Variants in GAB4 observed in about 807,000 individuals in gnomAD.
GAB4 encodes GRB2-associated-binding protein 4.
In GAB4, 26 loss-of-function variants were observed where a neutral mutation model predicts 51.3. The observed-to-expected ratio is 0.51, with a 90% CI of 0.37 to 0.70. The LOEUF is 0.70. Ranked by LOEUF, GAB4 falls within the 30% of genes least tolerant of loss-of-function variation. GAB4 has a pLI of 0.00. For missense variants in GAB4, 759 were observed against 734.6 expected (o/e 1.03, Z -0.38); for synonymous variants, 329 against 291.2 (o/e 1.13, Z -1.32).
intron 2 of GAB4, among the ~76,000 whole-genome samples, chr22:16,990,767 T>C (rs1056527065): frequency 6.6e-6 from 1 of 152,180 alleles, no homozygotes; most frequent in Non-Finnish European, 1.5e-5. Flanking sequence ...GAAACATCCT[T>C]TCAAAGCAGT....
intron 2 of GAB4, among the ~76,000 whole-genome samples, chr22:16,989,425 G>A (rs543544787): frequency 5.3e-5 from 8 of 152,336 alleles, no homozygotes; most frequent in African/African-American, 1.7e-4. Context: ...ATGCCCCTGA[G>A]TGTCTGCTCC....
intron 1 of GAB4, 99 bp downstream of exon 1, chr22:17,007,842 C>T: frequency 8.7e-7 from 1 of 1,149,340 alleles, no homozygotes; most frequent in Non-Finnish European, 1.2e-6. Flanking sequence ...CCTCCACCCG[C>T]AGCTCCTCCC....
intron 3 of GAB4, among the ~76,000 whole-genome samples, chr22:16,975,047 C>T (rs2060765680): frequency 6.6e-6 from 1 of 152,170 alleles, no homozygotes; most frequent in African/African-American, 2.4e-5. Context: ...CCTACACCAC[C>T]AGGGCCCTGG....
chr22:16,985,895 A>G (rs946258817), intron 3 of GAB4, among the ~76,000 whole-genome samples: 3 of 152,204 alleles, frequency 2.0e-5, no homozygotes, highest in African/African-American at 7.2e-5. Context: ...AGAAATCCAT[A>G]ACACGACCTC....
intron 1 of GAB4, among the ~76,000 whole-genome samples, chr22:16,998,558 G>C (rs556435138): frequency 3.9e-5 from 6 of 152,112 alleles, no homozygotes; most frequent in Non-Finnish European, 8.8e-5. Flanking sequence ...GAGACGATGG[G>C]GTTTTCTAAA....
chr22:16,965,193 G>A lies in GAB4; in HGVS notation c.1364C>T (p.Pro455Leu), dbSNP rs1041535405. The change falls in exon 7 of 10, where the codon CCC becomes CTC. Residue 455 changes from proline (P) to leucine (L), a missense_variant. Pro to Leu is a moderately conservative substitution (Grantham distance 98). Transcript: ENST00000400588. ...AGACACTCACCTGGTCCCAGACCAG[G>A]GCTCTGTGACAGGTGGCTTGAAGGA... is the stretch of plus-strand genomic sequence containing the variant. The part of the protein sequence containing the change: ...ELSFKPPVTE[P>L]WSGTSHTFDS... 8.7e-6 allele frequency: 14 copies of A among 1,613,200 alleles called. No individual in the cohort carries two copies. The highest frequency in any genetic ancestry group is 1.0e-5 in the Non-Finnish European group (12 of 1,179,416).
intron 3 of GAB4, among the ~76,000 whole-genome samples, chr22:16,971,299 G>A (rs943620701): frequency 4.6e-5 from 7 of 152,206 alleles, no homozygotes; most frequent in African/African-American, 7.2e-5. Context: ...AGTTTCCAGC[G>A]CTGCCACCGA....
chr22:16,997,501 T>C (rs1462964239), intron 1 of GAB4, among the ~76,000 whole-genome samples: 1 of 152,250 alleles, frequency 6.6e-6, no homozygotes, highest in Non-Finnish European at 1.5e-5. Context: ...GATTTTTTCT[T>C]GTAAATTTGT....
In GAB4 at chr22:16,964,813, T is replaced by C. The variant is rs369275091; in HGVS notation, c.1429A>G (p.Ile477Val). 3.7e-5 allele frequency: 60 copies of C among 1,614,058 alleles called. No homozygotes were observed. The Middle Eastern group carries it at 1.2e-3, about 31-fold the overall frequency. The stretch of plus-strand genomic sequence containing the variant: ...CTGTCTTCTGAGTCTGTGTTGGTGA[T>C]GCTCTGCGTGGAGATGGGGTGTTGG... ...SSQHPISTQS[I>V]TNTDSEDSGE... Residue 477 changes from isoleucine to valine, a missense_variant, in exon 8 of 10, where the codon ATC becomes GTC. Ile to Val is a conservative substitution (Grantham distance 29). Coordinates refer to ENST00000400588, the MANE Select transcript of GAB4 (RefSeq NM_001037814.1).
intron 1 of GAB4, 59 bp from the exon 2 acceptor site, chr22:16,992,235 G>T (rs578118049): frequency 1.4e-6 from 2 of 1,451,868 alleles, no homozygotes; most frequent in Non-Finnish European, 1.9e-6. Flanking sequence ...CTTTTAACAG[G>T]TCTGAGACAT....
intron 5 of GAB4, among the ~76,000 whole-genome samples, chr22:16,968,012 C>T (rs181005297): frequency 6.6e-6 from 1 of 152,156 alleles, no homozygotes; most frequent in Non-Finnish European, 1.5e-5. Flanking sequence ...GGTTAGAGCA[C>T]CTGCTTAGAG....
intron 3 of GAB4, among the ~76,000 whole-genome samples, chr22:16,975,273 G>A (rs1248893360): frequency 2.0e-5 from 3 of 152,166 alleles, no homozygotes; most frequent in African/African-American, 4.8e-5. Flanking sequence ...TGAAATTCTC[G>A]CTGCCAGCAC....
Position 16,999,327 on chromosome 22 carries a change from T to G in GAB4, c.175-7151A>C, listed in dbSNP as rs183739687. ...TAGCCTCAATTTCAGAACCTGTTAT[T>G]GGTCTATTCAGGGATTCAACTTCTT... On this transcript the variant is annotated intron_variant, in intron 1 of 9. Coordinates refer to ENST00000400588, the MANE Select transcript of GAB4 (RefSeq NM_001037814.1). Among the ~76,000 whole-genome samples the G allele has an allele frequency of 3.5e-3, 531 of 152,340 alleles. 7 individuals are homozygous for G. Among genetic ancestry groups the G allele is most frequent in the African/African-American group, 0.012 (506 of 41,566 alleles).
intron 3 of GAB4, among the ~76,000 whole-genome samples, chr22:16,981,224 TA>T (rs1337337184): frequency 2.0e-5 from 3 of 150,720 alleles, no homozygotes; most frequent in East Asian, 1.9e-4. Flanking sequence ...TGATGCCCCT[TA>T]AAAAAGTTCA....
chr22:16,991,812 C>A, intron 2 of GAB4, 61 bp downstream of exon 2: 1 of 1,391,172 alleles, frequency 7.2e-7, no homozygotes, highest in Non-Finnish European at 9.9e-7. Flanking sequence ...GCCCTCCTTG[C>A]TGGAGATTGG....
chr22:17,004,305 G>A (rs916763192), intron 1 of GAB4, among the ~76,000 whole-genome samples: 1 of 151,984 alleles, frequency 6.6e-6, no homozygotes, highest in Non-Finnish European at 1.5e-5. Flanking sequence ...GCAAAAAGAG[G>A]GACTCCTCCC....
chr22:16,964,769 G>GAA lies in GAB4; in HGVS notation c.1471_1472dup (p.Pro492SerfsTer40). 6.2e-7 allele frequency: 1 copy of GAA among 1,610,950 alleles called. No homozygotes were observed. Among genetic ancestry groups the GAA allele is most frequent in the Non-Finnish European group, 8.5e-7 (1 of 1,177,220 alleles). ...ACAGTGACCCCCAAGGACTCACCGGGAAAAGATACCTCTCTCCACTGTCTT... is the reference window on the plus strand; with the variant it reads ...ACAGTGACCCCCAAGGACTCACCGGGAAAAAAGATACCTCTCTCCACTGTCTT... On this transcript the variant is annotated frameshift_variant, in exon 8 of 10. Transcript: ENST00000400588. LOFTEE classifies it high-confidence loss of function.
intron 3 of GAB4, among the ~76,000 whole-genome samples, chr22:16,978,124 A>G: frequency 6.6e-6 from 1 of 152,200 alleles, no homozygotes; most frequent in East Asian, 1.9e-4. Flanking sequence ...TAAAAGAACT[A>G]GCGAAGCAAG....
chr22:16,962,907 C>A, intron 9 of GAB4, 31 bp from the exon 10 acceptor site: 3 of 1,597,104 alleles, frequency 1.9e-6, no homozygotes, highest in Non-Finnish European at 2.6e-6. Context: ...GTGGGAGTGG[C>A]AGTGTCTGTG....
Sources: allele counts gnomAD v4.1 joint callset (sites outside exome capture counted in the v4.1 genomes callset), GRCh38; gene constraint gnomAD v4.1.1; transcripts MANE v1.5; gene names NCBI Gene and HGNC (gene_info 2026-07-23, HGNC 2026-07-21).